Variants in HPSE2 observed in about 807,000 individuals in gnomAD.
HPSE2 encodes the protein inactive heparanase-2.
Under a neutral mutation model 60.5 loss-of-function variants are expected in HPSE2, and 38 were observed. The ratio of observed to expected loss-of-function variants is 0.63; its 90% CI spans 0.48 to 0.82. The LOEUF (loss-of-function observed/expected upper bound fraction) is 0.82, where lower values mean the gene tolerates loss of function less well. Among genes scored for constraint, HPSE2 ranks in the 40% least tolerant of loss-of-function variants. The probability of loss-of-function intolerance (pLI) is 0.00; values close to 1 mark genes in which losing one functional copy is unlikely to be tolerated. For synonymous variants in HPSE2, 295 were observed against 293.2 expected (o/e 1.01, Z -0.06); for missense variants, 713 against 740.4 (o/e 0.96, Z 0.43).
chr10:98,741,374 G>A (rs751807678), intron 4 of HPSE2, among the ~76,000 whole-genome samples: 14 of 152,148 alleles, frequency 9.2e-5, no homozygotes, highest in Non-Finnish European at 1.8e-4. Flanking sequence ...CAAATGATGT[G>A]TGGTTAAGGT....
intron 3 of HPSE2, among the ~76,000 whole-genome samples, chr10:98,951,318 G>A (rs1259701796): frequency 1.3e-5 from 2 of 152,072 alleles, no homozygotes; most frequent in African/African-American, 2.4e-5. Context: ...TTACAGAGCT[G>A]TTTTATTTTG....
chr10:98,525,808 A>C (rs1270804000), intron 9 of HPSE2, among the ~76,000 whole-genome samples: 1 of 152,222 alleles, frequency 6.6e-6, no homozygotes, highest in Admixed American at 6.5e-5. Flanking sequence ...CCTCCATAAA[A>C]GAACTCAGAA....
chr10:99,180,932 G>A (rs1475709542), intron 2 of HPSE2, among the ~76,000 whole-genome samples: 24 of 147,440 alleles, frequency 1.6e-4, no homozygotes, highest in African/African-American at 6.0e-4. Flanking sequence ...AGATGCTGGA[G>A]AGGATGTGGA....
At chr10:98,973,630 T>C (rs1191011607) in intron 3 of HPSE2, among the ~76,000 whole-genome samples, 3 of 152,210 alleles carry the variant, frequency 2.0e-5, no homozygotes, top group Non-Finnish European at 4.4e-5. Flanking sequence ...AAATATATTG[T>C]CTTGATGATC....
chr10:99,172,103 C>T (rs1847334184), intron 2 of HPSE2, among the ~76,000 whole-genome samples: 1 of 152,096 alleles, frequency 6.6e-6, no homozygotes, highest in Admixed American at 6.6e-5. Flanking sequence ...TTGTGTGATG[C>T]TGAGGTTTAG....
chr10:98,498,094 C>G (rs7091468), intron 9 of HPSE2, among the ~76,000 whole-genome samples: 1 of 151,856 alleles, frequency 6.6e-6, no homozygotes, highest in Non-Finnish European at 1.5e-5. Flanking sequence ...TCATGGTGGA[C>G]GGGAGGCAGG....
intron 2 of HPSE2, among the ~76,000 whole-genome samples, chr10:99,208,458 G>GTGGAT: frequency 6.6e-6 from 1 of 152,074 alleles, no homozygotes; most frequent in Non-Finnish European, 1.5e-5. Context: ...GCCAAAGCAG[G>GTGGAT]CATATTTCTT....
intron 3 of HPSE2, among the ~76,000 whole-genome samples, chr10:98,968,977 C>T (rs1206745389): frequency 6.6e-6 from 1 of 151,836 alleles, no homozygotes; most frequent in Non-Finnish European, 1.5e-5. Flanking sequence ...TGCCTGAATC[C>T]CAAAAACTAT....
intron 3 of HPSE2, among the ~76,000 whole-genome samples, chr10:98,798,928 T>C (rs1288227481): frequency 6.6e-6 from 1 of 152,020 alleles, no homozygotes; most frequent in Non-Finnish European, 1.5e-5. Flanking sequence ...CTCCGCAATT[T>C]CTACTTATCA....
At chr10:98,672,241 A>C (rs1947525081) in intron 6 of HPSE2, among the ~76,000 whole-genome samples, 1 of 152,208 alleles carries the variant, frequency 6.6e-6, no homozygotes. Flanking sequence ...AAATGACAGG[A>C]AACAGCTATC....
chr10:98,755,725 T>C (rs1291245818), intron 3 of HPSE2, among the ~76,000 whole-genome samples: 1 of 152,130 alleles, frequency 6.6e-6, no homozygotes, highest in African/African-American at 2.4e-5. Flanking sequence ...TGGCTGGGTG[T>C]GGTGGCTCAC....
At chr10:98,737,560 C>T (rs1009879469) in intron 4 of HPSE2, among the ~76,000 whole-genome samples, 7 of 151,968 alleles carry the variant, frequency 4.6e-5, no homozygotes, top group Non-Finnish European at 8.8e-5. Flanking sequence ...TGATGCCCCA[C>T]CCTGCTTCTG....
intron 3 of HPSE2, among the ~76,000 whole-genome samples, chr10:98,925,264 G>A (rs949817729): frequency 2.0e-5 from 3 of 152,088 alleles, no homozygotes; most frequent in Non-Finnish European, 4.4e-5. Context: ...TAGTTGTTAA[G>A]ATTTGGTGTT....
chr10:98,592,134 T>G (rs142268612), intron 9 of HPSE2, among the ~76,000 whole-genome samples: 69 of 152,366 alleles, frequency 4.5e-4, no homozygotes, highest in African/African-American at 1.6e-3. Flanking sequence ...TGCTACAGTC[T>G]TGACTTTGGT....
intron 9 of HPSE2, among the ~76,000 whole-genome samples, chr10:98,578,943 T>C (rs1224415726): frequency 6.6e-6 from 1 of 152,230 alleles, no homozygotes; most frequent in Admixed American, 6.5e-5. Flanking sequence ...TGTCTCAATC[T>C]GAGCTGAGAG....
chr10:98,832,392 C>G (rs541310274), intron 3 of HPSE2, among the ~76,000 whole-genome samples: 1 of 152,236 alleles, frequency 6.6e-6, no homozygotes, highest in Non-Finnish European at 1.5e-5. Context: ...TTGGAAGACG[C>G]TTGGGGTCTG....
chr10:98,618,652 C>A (rs958063181), intron 8 of HPSE2, among the ~76,000 whole-genome samples: 2 of 152,168 alleles, frequency 1.3e-5, no homozygotes, highest in Non-Finnish European at 2.9e-5. Context: ...TCTCAGCTCA[C>A]TGCAACCTCT....
chr10:98,888,895 T>A (rs1326690496), intron 3 of HPSE2, among the ~76,000 whole-genome samples: 2 of 152,176 alleles, frequency 1.3e-5, no homozygotes, highest in African/African-American at 2.4e-5. Context: ...TACATTCTCA[T>A]AATTAGTAAT....
intron 3 of HPSE2, among the ~76,000 whole-genome samples, chr10:98,985,079 C>G (rs530359466): frequency 6.6e-6 from 1 of 152,168 alleles, no homozygotes; most frequent in South Asian, 2.1e-4. Context: ...AGGATATTAT[C>G]CAGGAGAATT....
Sources: gnomAD v4.1 joint callset for allele counts (sites outside exome capture counted in the v4.1 genomes callset) on GRCh38, gnomAD v4.1.1 for gene constraint, MANE v1.5 for transcripts, NCBI Gene and HGNC (gene_info 2026-07-23, HGNC 2026-07-21) for gene names.